APOBR: variants seen among roughly 807,000 people sequenced by gnomAD.
The protein encoded by APOBR is apolipoprotein B receptor.
Under a neutral mutation model 88.5 loss-of-function variants are expected in APOBR, and 57 were observed. The ratio of observed to expected loss-of-function variants is 0.64; its 90% CI spans 0.52 to 0.80. APOBR has a LOEUF of 0.80. Among genes scored for constraint, APOBR ranks in the 30% least tolerant of loss-of-function variants. The pLI is 0.00. For synonymous variants in APOBR, 588 were observed against 572.7 expected (o/e 1.03, Z -0.38); for missense variants, 1,443 against 1,401.6 (o/e 1.03, Z -0.47).
chr16:28,496,817 C>G lies in APOBR; in HGVS notation c.1776C>G (p.Ala592=), dbSNP rs372670047. 7.0e-6 allele frequency: 11 copies of G among 1,562,714 alleles called. No individual in the cohort carries two copies. Among genetic ancestry groups the G allele is most frequent in the Non-Finnish European group, 9.5e-6 (11 of 1,153,484 alleles). ...AGGTGGAGCTCATGGGAGTTCTGGC[C>G]CTGAGCAAAGAGGAGCAGGAGAGGA... is the stretch of plus-strand genomic sequence containing the variant. ...AGEVELMGVL[A]LSKEEQERSL... The change falls in exon 2 of 4, where the codon GCC becomes GCG. Residue 592 remains alanine (A), a synonymous_variant. Coordinates refer to ENST00000564831, the MANE Select transcript of APOBR (RefSeq NM_018690.4).
Position 28,498,110 on chromosome 16 carries a change from CT to C in APOBR, c.2986del (p.Ser996LeufsTer63). The C allele has an allele frequency of 6.3e-7, 1 of 1,583,324 alleles. No individual in the cohort carries two copies. The highest frequency in any genetic ancestry group is 8.6e-7 in the Non-Finnish European group (1 of 1,169,120). ...CGCTCCCCGGGTCCCTCCTAGACGT[CT>C]CTGTCCCAAGGAGTCGCGTGCACCT... ...APLPGSLLDV[S>X]VPRSRVHLSR... is the part of the protein sequence containing the mutation. On this transcript the variant is annotated frameshift_variant, in exon 3 of 4. Coordinates refer to ENST00000564831, the MANE Select transcript of APOBR (RefSeq NM_018690.4). LOFTEE classifies it high-confidence loss of function.
chr16:28,498,278 A>G lies in APOBR; in HGVS notation c.3153A>G (p.Glu1051=). 6.2e-7 allele frequency: 1 copy of G among 1,604,270 alleles called. No individual in the cohort carries two copies. Among genetic ancestry groups the G allele is most frequent in the Non-Finnish European group, 8.5e-7 (1 of 1,175,938 alleles). ...AGCAGAGACCCCTCCAGCTGGAGGAACCCCTGGAGCCAAGCCCTCTGAGGC... is the reference window on the plus strand; with the variant it reads ...AGCAGAGACCCCTCCAGCTGGAGGAGCCCCTGGAGCCAAGCCCTCTGAGGC... ...APEQRPLQLE[E]PLEPSPLRHD... is the part of the protein sequence containing the mutation. Residue 1051 remains glutamate, a synonymous_variant, in exon 3 of 4, where the codon GAA becomes GAG. Transcript: ENST00000564831.
In APOBR at chr16:28,495,573, C is replaced by CAGG. The variant is rs752999394; in HGVS notation, c.546_548dup (p.Glu184dup). On this transcript the variant is annotated inframe_insertion, in exon 2 of 4. Transcript: ENST00000564831. ...AGAAGAGAGGCTGAGAAGCTGGGAACAGGAGGAGGAGGAGGAAGAGGTCAG... is the reference window on the plus strand; with the variant it reads ...AGAAGAGAGGCTGAGAAGCTGGGAACAGGAGGAGGAGGAGGAGGAAGAGGTCAG... 7.2e-6 allele frequency: 11 copies of CAGG among 1,519,494 alleles called. No homozygotes were observed. Among genetic ancestry groups the CAGG allele is most frequent in the East Asian group, 2.4e-5 (1 of 41,836 alleles). 94.1% of individuals were successfully genotyped at this position (1,519,494 alleles called of 1,614,324 possible). A position where few individuals can be genotyped will look rare whatever the true frequency, so the allele number is the denominator to read the frequency against.
rs761918678 is a variant in APOBR, at chr16:28,497,667, G to C, written c.2626G>C (p.Gly876Arg). Residue 876 changes from glycine (G) to arginine (R), a missense_variant, in exon 2 of 4, where the codon GGG (glycine) becomes CGG (arginine). Physicochemically the swap from Gly to Arg is moderately radical, Grantham distance 125 (BLOSUM62 -2). Transcript: ENST00000564831. Reference protein sequence around the residue: ...EGMGAMVEAGGLLEKWTLLEE... With the variant: ...EGMGAMVEAGRLLEKWTLLEE... ...GATGGGAGCCATGGTGGAGGCTGGG[G>C]GGCTTCTAGAAAAGTGGACGCTGTT... 1.7e-5 allele frequency: 27 copies of C among 1,602,420 alleles called. No individual in the cohort carries two copies. Among genetic ancestry groups the C allele is most frequent in the Non-Finnish European group, 2.1e-5 (25 of 1,174,712 alleles).
rs762440474 is a variant in APOBR at position 28,497,993 on chromosome 16, C to T, written c.2952C>T (p.Ser984=). Residue 984 remains serine (S), a synonymous_variant, in exon 2 of 4, where the codon AGC becomes AGT. Coordinates refer to ENST00000564831, the MANE Select transcript of APOBR (RefSeq NM_018690.4). ...SARGGAANSW[S]EAPLPGSLLD... is the part of the protein sequence containing the mutation. ...GAGGAGGTGCTGCCAACAGCTGGAG[C>T]GAGGTGAGGGCTCTTGGTGGGGTCT... 14 of 1,589,266 alleles carry T rather than the reference C, an allele frequency of 8.8e-6. No homozygotes were observed. The highest frequency in any genetic ancestry group is 2.7e-5 in the African/African-American group (2 of 73,868).
intron 2 of APOBR, 31 bp from the exon 3 acceptor site, chr16:28,498,050 C>A (rs750714216): frequency 1.6e-5 from 24 of 1,545,504 alleles, no homozygotes; most frequent in Non-Finnish European, 2.1e-5. Flanking sequence ...CGAAGCCGGC[C>A]CCATGGTCCT....
chr16:28,496,864 A>G lies in APOBR; in HGVS notation c.1823A>G (p.His608Arg), dbSNP rs1328870034. 1 of 1,559,212 alleles carries G rather than the reference A, an allele frequency of 6.4e-7. No individual in the cohort carries two copies. Among genetic ancestry groups the G allele is most frequent in the Admixed American group, 1.9e-5 (1 of 51,454 alleles). Residue 608 changes from histidine (H) to arginine (R), a missense_variant, in exon 2 of 4, where the codon CAC becomes CGC. Coordinates refer to ENST00000564831, the MANE Select transcript of APOBR (RefSeq NM_018690.4). ...AGGAGCCTGGAGGCAGGTCCCAGGC[A>G]CGCGGGGTCTGTAAAGCCTGAGGCC... The part of the protein sequence containing the change: ...QERSLEAGPR[H>R]AGSVKPEASE...
At chr16:28,498,380 G>A (rs748074416) in intron 3 of APOBR, 31 bp downstream of exon 3, 179 of 1,598,624 alleles carry the variant, frequency 1.1e-4, no homozygotes, top group Non-Finnish European at 1.4e-4. Flanking sequence ...CTGGGGTGGG[G>A]AAGAGACCGC....
At position 28,495,181 on chromosome 16, in the gene APOBR, TG is replaced by T. The variant is rs1491322625; in HGVS notation, c.145del (p.Val49TrpfsTer11). On this transcript the variant is annotated frameshift_variant, in exon 2 of 4. Transcript: ENST00000564831. LOFTEE classifies it high-confidence loss of function. ...VEREAQAAEELGVVAVGKTGK... is the reference protein window; with the variant it reads ...VEREAQAAEEXGVVAVGKTGK... ...CGGGAGGCGCAGGCGGCTGAGGAAC[TG>T]GGGGTGGTGGCGGTGGGAAAGACAG... The T allele has an allele frequency of 6.4e-7, 1 of 1,570,954 alleles. No homozygotes were observed. The highest frequency in any genetic ancestry group is 2.3e-5 in the East Asian group (1 of 43,752).
chr16:28,497,786 G>C lies in APOBR; in HGVS notation c.2745G>C (p.Arg915Ser), dbSNP rs1487421715. Residue 915 changes from arginine (R) to serine (S), a missense_variant, in exon 2 of 4, where the codon AGG (arginine) becomes AGC (serine). Coordinates refer to ENST00000564831, the MANE Select transcript of APOBR (RefSeq NM_018690.4). ...GDYHPEGEAPRLLDAEGLMVT... is the reference protein window; with the variant it reads ...GDYHPEGEAPSLLDAEGLMVT... ...ACCACCCTGAGGGAGAGGCACCAAG[G>C]CTCCTTGATGCAGAGGGTCTCATGG... The C allele has an allele frequency of 2.5e-6, 4 of 1,604,376 alleles. No homozygotes were observed. Among genetic ancestry groups the C allele is most frequent in the Non-Finnish European group, 3.4e-6 (4 of 1,175,700 alleles).
chr16:28,496,118 A>C lies in APOBR; in HGVS notation c.1077A>C (p.Gly359=), dbSNP rs1468508489. 6 of 1,520,232 alleles carry C rather than the reference A, an allele frequency of 3.9e-6. No homozygotes were observed. The highest frequency in any genetic ancestry group is 5.3e-6 in the Non-Finnish European group (6 of 1,135,102). The allele number at this position is 1,520,232 out of a possible 1,614,324, so 94.2% of individuals were successfully genotyped here. The part of the protein sequence containing the change: ...SGGEEAGTAS[G]GEEAGTASGG... Reference sequence around the variant, plus strand: ...GGGAGGAGGCCGGGACAGCCTCAGGAGGGGAGGAGGCCGGGACAGCCTCAG... The same window carrying C: ...GGGAGGAGGCCGGGACAGCCTCAGGCGGGGAGGAGGCCGGGACAGCCTCAG... The change falls in exon 2 of 4, where the codon GGA becomes GGC. Residue 359 remains glycine, a synonymous_variant. Transcript: ENST00000564831.
rs2046379945 is a variant in APOBR, at chr16:28,495,269, G to A, written c.228G>A (p.Glu76=). The A allele has an allele frequency of 3.3e-6, 5 of 1,526,494 alleles. No homozygotes were observed. Among genetic ancestry groups the A allele is most frequent in the South Asian group, 1.3e-5 (1 of 78,508 alleles). 94.6% of individuals were successfully genotyped at this position (1,526,494 alleles called of 1,614,324 possible). ...AGGGCCTTAGAGGCAGCCAAAACGA[G>A]GGGGCTGGAAGGCTGAGAGGGCCTG... ...DLEGLRGSQN[E]GAGRLRGPGD... The change falls in exon 2 of 4, where the codon GAG becomes GAA. Residue 76 remains glutamate (E), a synonymous_variant. Transcript: ENST00000564831.
Position 28,497,037 on chromosome 16 carries a change from CGA to C in APOBR, c.2000_2001del (p.Glu667ValfsTer2), listed in dbSNP as rs1381830651. On this transcript the variant is annotated frameshift_variant, in exon 2 of 4. Coordinates refer to ENST00000564831, the MANE Select transcript of APOBR (RefSeq NM_018690.4). LOFTEE classifies it high-confidence loss of function. ...CCTGGCGGCTGAGGCTGAAGGAGAC[CGA>C]GAGTCTGAACTATCAGAAGTCCCAG... ...QTLAAEAEGD[R>X]ESELSEVPEA... is the part of the protein sequence containing the mutation. 1 of 1,584,532 alleles carries C rather than the reference CGA, an allele frequency of 6.3e-7. No homozygotes were observed. Among genetic ancestry groups the C allele is most frequent in the Non-Finnish European group, 8.6e-7 (1 of 1,166,128 alleles).
rs1482627161 is a variant in APOBR at position 28,497,643 on chromosome 16, A to G, written c.2602A>G (p.Met868Val). 1 of 1,603,990 alleles carries G rather than the reference A, an allele frequency of 6.2e-7. No homozygotes were observed. Among genetic ancestry groups the G allele is most frequent in the Non-Finnish European group, 8.5e-7 (1 of 1,175,320 alleles). ...AGSQTARAEG[M>V]GAMVEAGGLL... is the part of the protein sequence containing the mutation. ...CTCCCAGACAGCGAGGGCAGAGGGG[A>G]TGGGAGCCATGGTGGAGGCTGGGGG... is the stretch of plus-strand genomic sequence containing the variant. The change falls in exon 2 of 4, where the codon ATG (methionine) becomes GTG (valine). Residue 868 changes from methionine (M) to valine (V), a missense_variant. Coordinates refer to ENST00000564831, the MANE Select transcript of APOBR (RefSeq NM_018690.4).
rs762314852 is a variant in APOBR, at chr16:28,496,022, G to T, written c.981G>T (p.Glu327Asp). Residue 327 changes from glutamate to aspartate, a missense_variant, in exon 2 of 4, where the codon GAG becomes GAT. Glu to Asp is a conservative substitution (Grantham distance 45). Transcript: ENST00000564831. ...EEAETASGGE[E>D]AGTASGGEEA... ...CTGAAACAGCCTCAGGCGGGGAGGA[G>T]GCCGGGACAGCCTCGGGAGGGGAGG... 1.6e-5 allele frequency: 25 copies of T among 1,598,874 alleles called. No individual in the cohort carries two copies. The Admixed American group carries it at 4.2e-4, about 27-fold the overall frequency.
rs760364909 is a variant in APOBR at position 28,498,089 on chromosome 16, C to T, written c.2964C>T (p.Leu988=). The part of the protein sequence containing the change: ...GAANSWSEAP[L]PGSLLDVSVP... ...TGCCCCCTTTCCTGCAGGCCCCGCTCCCCGGGTCCCTCCTAGACGTCTCTG... is the reference window on the plus strand; with the variant it reads ...TGCCCCCTTTCCTGCAGGCCCCGCTTCCCGGGTCCCTCCTAGACGTCTCTG... Residue 988 remains leucine (L), a synonymous_variant, in exon 3 of 4, where the codon CTC becomes CTT. Coordinates refer to ENST00000564831, the MANE Select transcript of APOBR (RefSeq NM_018690.4). 3.0e-5 allele frequency: 47 copies of T among 1,551,840 alleles called. No homozygotes were observed. Among genetic ancestry groups the T allele is most frequent in the Non-Finnish European group, 3.9e-5 (45 of 1,154,302 alleles).
Position 28,496,900 on chromosome 16 carries a change from T to C in APOBR, c.1859T>C (p.Phe620Ser). The change falls in exon 2 of 4, where the codon TTC (phenylalanine) becomes TCC (serine). Residue 620 changes from phenylalanine to serine, a missense_variant. Phe to Ser is a radical substitution (Grantham distance 155). Coordinates refer to ENST00000564831, the MANE Select transcript of APOBR (RefSeq NM_018690.4). Reference sequence around the variant, plus strand: ...GTAAAGCCTGAGGCCTCCGAGGCCTTCCCAGGAGCCTGGGAAAACCGCACG... The same window carrying C: ...GTAAAGCCTGAGGCCTCCGAGGCCTCCCCAGGAGCCTGGGAAAACCGCACG... ...GSVKPEASEAFPGAWENRTRK... is the reference protein window; with the variant it reads ...GSVKPEASEASPGAWENRTRK... 1 of 1,559,794 alleles carries C rather than the reference T, an allele frequency of 6.4e-7. No individual in the cohort carries two copies. The highest frequency in any genetic ancestry group is 8.7e-7 in the Non-Finnish European group (1 of 1,152,472).
chr16:28,497,690 GT>G lies in APOBR; in HGVS notation c.2651del (p.Leu884TrpfsTer41). 6.2e-7 allele frequency: 1 copy of G among 1,603,774 alleles called. No individual in the cohort carries two copies. ...GGGGGCTTCTAGAAAAGTGGACGCT[GT>G]TGGAAGAAGAGGCTGTTGGATGGCA... ...AGGLLEKWTL[L>X]EEEAVGWQER... On this transcript the variant is annotated frameshift_variant, in exon 2 of 4. Coordinates refer to ENST00000564831, the MANE Select transcript of APOBR (RefSeq NM_018690.4). LOFTEE classifies it high-confidence loss of function.
At position 28,494,674 on chromosome 16, in the gene APOBR, C is replaced by T; in HGVS notation, c.-8C>T. On this transcript the variant is annotated 5_prime_UTR_variant, in exon 1 of 4. Transcript: ENST00000564831. ...AGCTTTCTGGACACACAGACAGAGACAGACAGGATGGACTTCCTCCGGCTA... is the reference window on the plus strand; with the variant it reads ...AGCTTTCTGGACACACAGACAGAGATAGACAGGATGGACTTCCTCCGGCTA... 1 of 1,611,508 alleles carries T rather than the reference C, an allele frequency of 6.2e-7. No individual in the cohort carries two copies. Among genetic ancestry groups the T allele is most frequent in the Non-Finnish European group, 8.5e-7 (1 of 1,178,468 alleles).
Sources: gnomAD v4.1 joint callset for allele counts on GRCh38, gnomAD v4.1.1 for gene constraint, MANE v1.5 for transcripts, NCBI Gene and HGNC (gene_info 2026-07-23, HGNC 2026-07-21) for gene names.